Variants in FAT4 observed in about 807,000 individuals in gnomAD.
FAT4 encodes FAT atypical cadherin 4, also known as protocadherin Fat 4.
FAT4 carries 84 observed loss-of-function variants against 303.9 expected under a neutral mutation model. The ratio of observed to expected loss-of-function variants is 0.28; its 90% CI spans 0.23 to 0.33. FAT4 has a LOEUF of 0.33. FAT4 is among the 10% of genes least tolerant of loss of function. The pLI is 1.00. For synonymous variants in FAT4, 2,307 were observed against 2,298.8 expected (o/e 1.00, Z -0.10); for missense variants, 6,005 against 6,146.8 (o/e 0.98, Z 0.77).
At chr4:125,476,087 A>C (rs1253867544) in intron 12 of FAT4, 84 bp from the exon 13 acceptor site, 7 of 677,934 alleles carry the variant, frequency 1.0e-5, no homozygotes, top group Non-Finnish European at 1.8e-5. Context: ...TTCACATAGA[A>C]GCAAGTCATG....
In FAT4 at chr4:125,490,978, G is replaced by C; in HGVS notation, c.14162G>C (p.Arg4721Thr). The change falls in exon 18 of 18, where the codon AGG (arginine) becomes ACG (threonine). Residue 4721 changes from arginine (R) to threonine (T), a missense_variant. Coordinates refer to ENST00000394329, the MANE Select transcript of FAT4 (RefSeq NM_001291303.3). ...ACGTTCTATAGAAACAGCCCAGCAAGGGAATTGCATCTTCCTATAAGGGAT... is the reference window on the plus strand; with the variant it reads ...ACGTTCTATAGAAACAGCCCAGCAACGGAATTGCATCTTCCTATAAGGGAT... ...SSTFYRNSPARELHLPIRDGN... is the reference protein window; with the variant it reads ...SSTFYRNSPATELHLPIRDGN... The C allele has an allele frequency of 1.2e-6, 2 of 1,614,208 alleles. No homozygotes were observed. Among genetic ancestry groups the C allele is most frequent in the Non-Finnish European group, 1.7e-6 (2 of 1,180,042 alleles).
intron 11 of FAT4, among the ~76,000 whole-genome samples, chr4:125,464,616 C>T (rs921936070): frequency 2.6e-5 from 4 of 151,856 alleles, no homozygotes; most frequent in Non-Finnish European, 5.9e-5. Flanking sequence ...TTTGCTGCAC[C>T]CATCAACTCG....
chr4:125,364,675 G>A (rs1732797882), intron 2 of FAT4, among the ~76,000 whole-genome samples: 1 of 152,034 alleles, frequency 6.6e-6, no homozygotes, highest in Non-Finnish European at 1.5e-5. Flanking sequence ...CCATGAGCTG[G>A]AAACGCATAC....
At chr4:125,348,474 T>G (rs1732090965) in intron 2 of FAT4, among the ~76,000 whole-genome samples, 1 of 151,608 alleles carries the variant, frequency 6.6e-6, no homozygotes, top group Non-Finnish European at 1.5e-5. Context: ...GCCTGATACC[T>G]AGAGAGCAAT....
At chr4:125,481,118 G>A (rs1422356345) in intron 15 of FAT4, among the ~76,000 whole-genome samples, 1 of 151,992 alleles carries the variant, frequency 6.6e-6, no homozygotes, top group Non-Finnish European at 1.5e-5. Flanking sequence ...GCATACTAGA[G>A]ACTAAAGATT....
At chr4:125,483,939 T>G (rs1324927134) in intron 16 of FAT4, among the ~76,000 whole-genome samples, 2 of 10,064 alleles carry the variant, frequency 2.0e-4, no homozygotes, top group African/African-American at 5.9e-4. Flanking sequence ...GGGTTCCGTT[T>G]TTTTTTTTTT....
chr4:125,471,695 A>G (rs2126078939), intron 12 of FAT4, among the ~76,000 whole-genome samples: 1 of 151,984 alleles, frequency 6.6e-6, no homozygotes, highest in Non-Finnish European at 1.5e-5. Flanking sequence ...GATTTTTAAT[A>G]AGAAAATGCT....
chr4:125,381,100 C>T (rs1402114796), intron 2 of FAT4, among the ~76,000 whole-genome samples: 1 of 152,110 alleles, frequency 6.6e-6, no homozygotes, highest in Non-Finnish European at 1.5e-5. Flanking sequence ...ATGGACTATG[C>T]ATTCTTAGTA....
At chr4:125,465,447 T>C (rs1283008043) in intron 11 of FAT4, among the ~76,000 whole-genome samples, 1 of 152,124 alleles carries the variant, frequency 6.6e-6, no homozygotes, top group Non-Finnish European at 1.5e-5. Flanking sequence ...GGGATTAGAG[T>C]GTAAACTAGA....
chr4:125,439,090 C>T (rs1222979756), intron 8 of FAT4, among the ~76,000 whole-genome samples: 1 of 152,118 alleles, frequency 6.6e-6, no homozygotes, highest in African/African-American at 2.4e-5. Context: ...CATTTTACTT[C>T]ACCTTTAGTA....
At chr4:125,378,918 T>C (rs898805139) in intron 2 of FAT4, among the ~76,000 whole-genome samples, 2 of 152,148 alleles carry the variant, frequency 1.3e-5, no homozygotes, top group African/African-American at 4.8e-5. Context: ...CTGTCCTTTA[T>C]TGTAAAACAT....
Position 125,491,627 on chromosome 4 carries a change from C to A in FAT4, c.14811C>A (p.Asn4937Lys). 1 of 1,614,182 alleles carries A rather than the reference C, an allele frequency of 6.2e-7. No individual in the cohort carries two copies. The highest frequency in any genetic ancestry group is 8.5e-7 in the Non-Finnish European group (1 of 1,180,036). ...CTTTCAACTGGGACAACCTTTTGAA[C>A]TGGGGCCCTGGCTTTGGCCATTATG... ...AGTFNWDNLL[N>K]WGPGFGHYVD... The change falls in exon 18 of 18, where the codon AAC becomes AAA. Residue 4937 changes from asparagine (N) to lysine (K), a missense_variant. Coordinates refer to ENST00000394329, the MANE Select transcript of FAT4 (RefSeq NM_001291303.3).
In FAT4 at chr4:125,408,666, A is replaced by G. The variant is rs139716832; in HGVS notation, c.5792A>G (p.Tyr1931Cys). The change falls in exon 5 of 18, where the codon TAT becomes TGT. Residue 1931 changes from tyrosine to cysteine, a missense_variant. Coordinates refer to ENST00000394329, the MANE Select transcript of FAT4 (RefSeq NM_001291303.3). ...GGACAATTTACTACCATCAGAGTTTATTTCAATATTCTAGATGTAAATGAT... is the reference window on the plus strand; with the variant it reads ...GGACAATTTACTACCATCAGAGTTTGTTTCAATATTCTAGATGTAAATGAT... Reference protein sequence around the residue: ...GGGQFTTIRVYFNILDVNDNP... With the variant: ...GGGQFTTIRVCFNILDVNDNP... 1,398 of 1,609,916 alleles carry G rather than the reference A, an allele frequency of 8.7e-4. No homozygotes were observed. Among genetic ancestry groups the G allele is most frequent in the Non-Finnish European group, 1.1e-3 (1,304 of 1,176,482 alleles).
At chr4:125,344,884 A>G (rs1470765074) in intron 2 of FAT4, among the ~76,000 whole-genome samples, 1 of 151,956 alleles carries the variant, frequency 6.6e-6, no homozygotes, top group East Asian at 1.9e-4. Context: ...TGGGTCCTCC[A>G]TGTCTTACAG....
chr4:125,424,489 C>G (rs548765596), intron 7 of FAT4, among the ~76,000 whole-genome samples: 1 of 152,308 alleles, frequency 6.6e-6, no homozygotes, highest in East Asian at 1.9e-4. Context: ...AATTAAACCT[C>G]TTTCCTTTAT....
intron 14 of FAT4, among the ~76,000 whole-genome samples, chr4:125,478,119 C>T (rs368593295): frequency 1.4e-4 from 21 of 152,226 alleles, no homozygotes; most frequent in African/African-American, 5.1e-4. Flanking sequence ...AAAATCTTTG[C>T]TCACATTATT....
At position 125,320,290 on chromosome 4, in the gene FAT4, C is replaced by T. The variant is rs559084790; in HGVS notation, c.3879C>T (p.Ile1293=). Residue 1293 remains isoleucine, a synonymous_variant, in exon 2 of 18, where the codon ATC becomes ATT. Transcript: ENST00000394329. ...LVIQAVDSGT[I]PLNSTCTLNI... ...TTCAAGCAGTGGATTCAGGGACAAT[C>T]CCCCTCAATTCAACGTGTACTTTAA... 6 of 1,613,874 alleles carry T rather than the reference C, an allele frequency of 3.7e-6. No homozygotes were observed. The South Asian group carries it at 4.4e-5, about 12-fold the overall frequency.
chr4:125,415,790 C>A lies in FAT4; in HGVS notation c.6827C>A (p.Pro2276His), dbSNP rs1296208842. 1.2e-6 allele frequency: 2 copies of A among 1,611,008 alleles called. No homozygotes were observed. The highest frequency in any genetic ancestry group is 1.7e-6 in the Non-Finnish European group (2 of 1,177,952). ...VNVPENLGTLPRTILQVVARD... is the reference protein window; with the variant it reads ...VNVPENLGTLHRTILQVVARD... ...GTCCCTGAGAATTTAGGGACACTACCCAGAACAATTCTTCAGGTCAGTATA... is the reference window on the plus strand; with the variant it reads ...GTCCCTGAGAATTTAGGGACACTACACAGAACAATTCTTCAGGTCAGTATA... Residue 2276 changes from proline (P) to histidine (H), a missense_variant, in exon 6 of 18, where the codon CCC becomes CAC. Transcript: ENST00000394329.
Position 125,318,584 on chromosome 4 carries a change from A to T in FAT4, c.2173A>T (p.Lys725Ter). Reference sequence around the variant, plus strand: ...AGACTTGGGTACCAATGGTACTGTCAAATATAGCATATCTGCTGGGGACAG... The same window carrying T: ...AGACTTGGGTACCAATGGTACTGTCTAATATAGCATATCTGCTGGGGACAG... Reference protein sequence around the residue: ...DPDLGTNGTVKYSISAGDRSR... With the variant: ...DPDLGTNGTV The change falls in exon 2 of 18, where the codon AAA becomes TAA. Residue 725 changes from lysine to a stop codon, truncating the protein, a stop_gained. Coordinates refer to ENST00000394329, the MANE Select transcript of FAT4 (RefSeq NM_001291303.3). LOFTEE classifies it high-confidence loss of function. The T allele has an allele frequency of 6.2e-7, 1 of 1,614,190 alleles. No homozygotes were observed. Among genetic ancestry groups the T allele is most frequent in the Non-Finnish European group, 8.5e-7 (1 of 1,180,028 alleles).
Sources: gnomAD v4.1 joint callset for allele counts (sites outside exome capture counted in the v4.1 genomes callset) on GRCh38, gnomAD v4.1.1 for gene constraint, MANE v1.5 for transcripts, NCBI Gene and HGNC (gene_info 2026-07-23, HGNC 2026-07-21) for gene names.